The following CDK5R1 variants were observed in gnomAD, a reference collection of about 807,000 sequenced individuals.
CDK5R1 encodes cyclin-dependent kinase 5 activator 1.
CDK5R1 carries 1 observed loss-of-function variant against 19.0 expected under a neutral mutation model. That is an observed-to-expected ratio of 0.05 (90% CI 0.02 to 0.25). The LOEUF (loss-of-function observed/expected upper bound fraction) is 0.25, where lower values mean the gene tolerates loss of function less well. CDK5R1 is among the 10% of genes least tolerant of loss of function. The pLI, the probability that CDK5R1 is intolerant of heterozygous loss-of-function variation, is 1.00. For missense variants in CDK5R1, 314 were observed against 401.0 expected, an observed-to-expected ratio of 0.78 and a Z score of 1.85; for synonymous variants, 225 against 187.7, an observed-to-expected ratio of 1.20 and a Z score of -1.62.
At position 32,487,492 on chromosome 17, in the gene CDK5R1, A is replaced by T; in HGVS notation, c.-129A>T. 1.5e-6 allele frequency: 1 copy of T among 646,832 alleles called. No homozygotes were observed. The highest frequency in any genetic ancestry group is 2.6e-6 in the Non-Finnish European group (1 of 383,236). 40.1% of individuals were successfully genotyped at this position (646,832 alleles called of 1,614,324 possible). The stretch of plus-strand genomic sequence containing the variant: ...GTTTTCCAGGCAGATCCAAGGGGGC[A>T]GCACGCTTCCCGGGAGCGCCCCCGC... On this transcript the variant is annotated 5_prime_UTR_variant, in exon 2 of 2. Coordinates refer to ENST00000313401, the MANE Select transcript of CDK5R1 (RefSeq NM_003885.3). The surrounding 1 kb of genome is among the most constrained non-coding windows in gnomAD (Gnocchi z 7.9).
chr17:32,487,649 G>T lies in CDK5R1; in HGVS notation c.29G>T (p.Ser10Ile). 1 of 1,613,468 alleles carries T rather than the reference G, an allele frequency of 6.2e-7. No individual in the cohort carries two copies. ...GGCACGGTGCTGTCCCTGTCTCCCA[G>T]CTACCGGAAGGCCACGCTGTTTGAG... MGTVLSLSP[S>I]YRKATLFEDG... The change falls in exon 2 of 2, where the codon AGC becomes ATC. Residue 10 changes from serine (S) to isoleucine (I), a missense_variant. This residue lies in a region of CDK5R1 where 197 missense variants were observed against 230.2 expected (regional missense o/e 0.86). Transcript: ENST00000313401. This position sits in a 1 kb window ranked among gnomAD's most constrained non-coding sequence, Gnocchi z 7.9.
Position 32,487,917 on chromosome 17 carries a change from C to T in CDK5R1, c.297C>T (p.Ala99=), listed in dbSNP as rs766807605. ...SLSCANLSTF[A]QPPPAQPPAP... ...CGTGCGCCAACCTGTCCACATTCGCCCAGCCCCCACCGGCCCAGCCGCCTG... is the reference window on the plus strand; with the variant it reads ...CGTGCGCCAACCTGTCCACATTCGCTCAGCCCCCACCGGCCCAGCCGCCTG... Residue 99 remains alanine (A), a synonymous_variant, in exon 2 of 2, where the codon GCC becomes GCT. Transcript: ENST00000313401. This position sits in a 1 kb window ranked among gnomAD's most constrained non-coding sequence, Gnocchi z 7.9. 6 of 1,613,614 alleles carry T rather than the reference C, an allele frequency of 3.7e-6. No homozygotes were observed. The highest frequency in any genetic ancestry group is 5.1e-6 in the Non-Finnish European group (6 of 1,180,006).
Position 32,488,400 on chromosome 17 carries a change from T to C in CDK5R1, c.780T>C (p.Arg260=). The C allele has an allele frequency of 6.2e-7, 1 of 1,614,038 alleles. No homozygotes were observed. The highest frequency in any genetic ancestry group is 8.5e-7 in the Non-Finnish European group (1 of 1,180,010). The change falls in exon 2 of 2, where the codon CGT becomes CGC. Residue 260 remains arginine (R), a synonymous_variant. Coordinates refer to ENST00000313401, the MANE Select transcript of CDK5R1 (RefSeq NM_003885.3). The stretch of plus-strand genomic sequence containing the variant: ...GCTGCAAGGAGGCCTTTTGGGACCG[T>C]TGCCTCTCTGTCATCAACCTCATGA... ...VESCKEAFWD[R]CLSVINLMSS...
In CDK5R1 at chr17:32,490,197, AGCCT is replaced by A. The variant is rs1407283848; in HGVS notation, c.*1656_*1659del. 1 of 167,038 alleles carries A rather than the reference AGCCT, an allele frequency of 6.0e-6. No homozygotes were observed. The highest frequency in any genetic ancestry group is 2.4e-5 in the African/African-American group (1 of 41,416). The allele number at this position is 167,038 out of a possible 1,614,324, so 10.3% of individuals were successfully genotyped here. Reference sequence around the variant, plus strand: ...AGATAATCGGTGCAGCGGTGGAAGGAGCCTGCGGCTGCTGGCACAGACTTCACAC... The same window carrying A: ...AGATAATCGGTGCAGCGGTGGAAGGAGCGGCTGCTGGCACAGACTTCACAC... On this transcript the variant is annotated 3_prime_UTR_variant, in exon 2 of 2. Transcript: ENST00000313401.
rs1454445896 is a variant in CDK5R1, at chr17:32,487,515, C to T, written c.-106C>T. The T allele has an allele frequency of 1.2e-6, 1 of 833,856 alleles. No individual in the cohort carries two copies. The highest frequency in any genetic ancestry group is 1.8e-6 in the Non-Finnish European group (1 of 547,164). The allele number at this position is 833,856 out of a possible 1,614,324, so 51.7% of individuals were successfully genotyped here. A position where few individuals can be genotyped will look rare whatever the true frequency, so the allele number is the denominator to read the frequency against. Reference sequence around the variant, plus strand: ...GCAGCACGCTTCCCGGGAGCGCCCCCGCCTCCTCTCCGGGGCCGCCGCAGG... The same window carrying T: ...GCAGCACGCTTCCCGGGAGCGCCCCTGCCTCCTCTCCGGGGCCGCCGCAGG... On this transcript the variant is annotated 5_prime_UTR_variant, in exon 2 of 2. Transcript: ENST00000313401. The surrounding 1 kb of genome is among the most constrained non-coding windows in gnomAD (Gnocchi z 7.9).
At position 32,488,576 on chromosome 17, in the gene CDK5R1, C is replaced by T; in HGVS notation, c.*32C>T. On this transcript the variant is annotated 3_prime_UTR_variant, in exon 2 of 2. Coordinates refer to ENST00000313401, the MANE Select transcript of CDK5R1 (RefSeq NM_003885.3). ...TAGCCTGCGTCATGGCTCAAGGATT[C>T]AATGCATTTTTAAGAATTTATTATT... is the stretch of plus-strand genomic sequence containing the variant. 1 of 1,613,738 alleles carries T rather than the reference C, an allele frequency of 6.2e-7. No individual in the cohort carries two copies. Among genetic ancestry groups the T allele is most frequent in the Non-Finnish European group, 8.5e-7 (1 of 1,179,986 alleles).
rs997701431 is a variant in CDK5R1 at position 32,487,407 on chromosome 17, GAGGGGCGC to G, written c.-145-52_-145-45del. 663 of 357,510 alleles carry G rather than the reference GAGGGGCGC, an allele frequency of 1.9e-3. 3 individuals carry two copies. Among genetic ancestry groups the G allele is most frequent in the African/African-American group, 0.011 (523 of 46,298 alleles). 22.1% of individuals were successfully genotyped at this position (357,510 alleles called of 1,614,324 possible). On this transcript the variant is annotated intron_variant, in intron 1 of 1. Transcript: ENST00000313401. This position sits in a 1 kb window ranked among gnomAD's most constrained non-coding sequence, Gnocchi z 7.9. ...GCGGGGTGCGCCGAGGCGCGGGGCG[GAGGGGCGC>G]AGGGGCGCAGGGGCGCGGCGCGGAG...
In CDK5R1 at chr17:32,487,552, G is replaced by C. The variant is rs887440608; in HGVS notation, c.-69G>C. 1 of 1,372,154 alleles carries C rather than the reference G, an allele frequency of 7.3e-7. No homozygotes were observed. The highest frequency in any genetic ancestry group is 1.4e-5 in the African/African-American group (1 of 69,182). 85.0% of individuals were successfully genotyped at this position (1,372,154 alleles called of 1,614,324 possible). A position where few individuals can be genotyped will look rare whatever the true frequency, so the allele number is the denominator to read the frequency against. ...GGGGCCGCCGCAGGCTCGGTGAGCG[G>C]TTTTATCCCTCCGGCCGGCAGGCTG... On this transcript the variant is annotated 5_prime_UTR_variant, in exon 2 of 2. Transcript: ENST00000313401. This position sits in a 1 kb window ranked among gnomAD's most constrained non-coding sequence, Gnocchi z 7.9.
chr17:32,487,073 C>A lies in CDK5R1; in HGVS notation c.-235C>A. ...AGCCCAGCCGATCCCCGCCGAGCGC[C>A]CCCGAGCGCCGCCGAGCGCCGGGAC... On this transcript the variant is annotated 5_prime_UTR_variant, in exon 1 of 2. Transcript: ENST00000313401. This position sits in a 1 kb window ranked among gnomAD's most constrained non-coding sequence, Gnocchi z 7.9. 1 of 146,812 alleles carries A rather than the reference C, an allele frequency of 6.8e-6. No homozygotes were observed. Among genetic ancestry groups the A allele is most frequent in the South Asian group, 1.9e-4 (1 of 5,394 alleles). 9.1% of individuals were successfully genotyped at this position (146,812 alleles called of 1,614,324 possible).
rs1908843171 is a variant in CDK5R1, at chr17:32,490,775, A to G, written c.*2231A>G. The G allele has an allele frequency of 6.0e-6, 1 of 167,118 alleles. No homozygotes were observed. Among genetic ancestry groups the G allele is most frequent in the African/African-American group, 2.4e-5 (1 of 41,474 alleles). The allele number at this position is 167,118 out of a possible 1,614,324, so 10.4% of individuals were successfully genotyped here. Reference sequence around the variant, plus strand: ...TTTGTGTCTTAAGAAAAATAATCTTAGAACAGATGGCTGTGAAAATTACAC... The same window carrying G: ...TTTGTGTCTTAAGAAAAATAATCTTGGAACAGATGGCTGTGAAAATTACAC... On this transcript the variant is annotated 3_prime_UTR_variant, in exon 2 of 2. Coordinates refer to ENST00000313401, the MANE Select transcript of CDK5R1 (RefSeq NM_003885.3).
Position 32,488,215 on chromosome 17 carries a change from G to C in CDK5R1, c.595G>C (p.Ala199Pro). 1.2e-6 allele frequency: 2 copies of C among 1,613,916 alleles called. No homozygotes were observed. Among genetic ancestry groups the C allele is most frequent in the Non-Finnish European group, 1.7e-6 (2 of 1,180,032 alleles). Residue 199 changes from alanine (A) to proline (P), a missense_variant, in exon 2 of 2, where the codon GCC (alanine) becomes CCC (proline). This residue lies in a region of CDK5R1 where 11 missense variants were observed against 38.8 expected (regional missense o/e 0.28). Transcript: ENST00000313401. The part of the protein sequence containing the change: ...GWQDQGFITP[A>P]NVVFLYMLCR... ...GCAGGACCAGGGCTTCATCACGCCG[G>C]CCAACGTGGTCTTCCTCTACATGCT...
Position 32,487,487 on chromosome 17 carries a change from G to C in CDK5R1, c.-134G>C. On this transcript the variant is annotated 5_prime_UTR_variant, in exon 2 of 2. Coordinates refer to ENST00000313401, the MANE Select transcript of CDK5R1 (RefSeq NM_003885.3). This position sits in a 1 kb window ranked among gnomAD's most constrained non-coding sequence, Gnocchi z 7.9. The stretch of plus-strand genomic sequence containing the variant: ...ATCTTGTTTTCCAGGCAGATCCAAG[G>C]GGGCAGCACGCTTCCCGGGAGCGCC... The C allele has an allele frequency of 4.8e-6, 3 of 624,992 alleles. No individual in the cohort carries two copies. The highest frequency in any genetic ancestry group is 8.2e-6 in the Non-Finnish European group (3 of 368,078). 38.7% of individuals were successfully genotyped at this position (624,992 alleles called of 1,614,324 possible).
chr17:32,487,245 C>A lies in CDK5R1; in HGVS notation c.-146+83C>A. 6.8e-6 allele frequency: 1 copy of A among 147,276 alleles called. No individual in the cohort carries two copies. The highest frequency in any genetic ancestry group is 1.9e-4 in the South Asian group (1 of 5,138). The allele number at this position is 147,276 out of a possible 1,614,324, so 9.1% of individuals were successfully genotyped here. On this transcript the variant is annotated intron_variant, in intron 1 of 1. Transcript: ENST00000313401. This position sits in a 1 kb window ranked among gnomAD's most constrained non-coding sequence, Gnocchi z 7.9. ...CCGTGCGGGGTGTCCAGGCGGGGGTCCTCGGCCGCCTCCGTCGGCGACCGG... is the reference window on the plus strand; with the variant it reads ...CCGTGCGGGGTGTCCAGGCGGGGGTACTCGGCCGCCTCCGTCGGCGACCGG...
Position 32,490,826 on chromosome 17 carries a change from T to TA in CDK5R1, c.*2284dup, listed in dbSNP as rs1908844986. 6.0e-6 allele frequency: 1 copy of TA among 167,084 alleles called. No homozygotes were observed. Among genetic ancestry groups the TA allele is most frequent in the South Asian group, 2.1e-4 (1 of 4,832 alleles). 10.4% of individuals were successfully genotyped at this position (167,084 alleles called of 1,614,324 possible). ...CCATGCACAGAACAAGCCACAGGAA[T>TA]AATAGTTCAGGATTTGGTTTTTCTC... On this transcript the variant is annotated 3_prime_UTR_variant, in exon 2 of 2. Transcript: ENST00000313401.
chr17:32,487,629 G>T lies in CDK5R1; in HGVS notation c.9G>T (p.Thr3=), dbSNP rs1171413607. 1 of 1,612,462 alleles carries T rather than the reference G, an allele frequency of 6.2e-7. No individual in the cohort carries two copies. The highest frequency in any genetic ancestry group is 1.7e-5 in the Admixed American group (1 of 59,910). ...CGGCGCGCAGCAGCACCATGGGCAC[G>T]GTGCTGTCCCTGTCTCCCAGCTACC... The part of the protein sequence containing the change: MG[T]VLSLSPSYRK... Residue 3 remains threonine (T), a synonymous_variant, in exon 2 of 2, where the codon ACG becomes ACT. Transcript: ENST00000313401. This position sits in a 1 kb window ranked among gnomAD's most constrained non-coding sequence, Gnocchi z 7.9.
rs868241653 is a variant in CDK5R1 at position 32,487,513 on chromosome 17, C to G, written c.-108C>G. On this transcript the variant is annotated 5_prime_UTR_variant, in exon 2 of 2. Coordinates refer to ENST00000313401, the MANE Select transcript of CDK5R1 (RefSeq NM_003885.3). The surrounding 1 kb of genome is among the most constrained non-coding windows in gnomAD (Gnocchi z 7.9). ...GGGCAGCACGCTTCCCGGGAGCGCC[C>G]CCGCCTCCTCTCCGGGGCCGCCGCA... 4 of 818,896 alleles carry G rather than the reference C, an allele frequency of 4.9e-6. No individual in the cohort carries two copies. The Middle Eastern group carries it at 1.1e-3, about 227-fold the overall frequency. The allele number at this position is 818,896 out of a possible 1,614,324, so 50.7% of individuals were successfully genotyped here. A position where few individuals can be genotyped will look rare whatever the true frequency, so the allele number is the denominator to read the frequency against.
rs971046359 is a variant in CDK5R1 at position 32,488,661 on chromosome 17, C to T, written c.*117C>T. On this transcript the variant is annotated 3_prime_UTR_variant, in exon 2 of 2. Transcript: ENST00000313401. The stretch of plus-strand genomic sequence containing the variant: ...GCCACCAAGGGCCTCACCTTTCCCA[C>T]AGTCTCTCCCTGGGGTTTTTTTCAT... 1 of 1,526,986 alleles carries T rather than the reference C, an allele frequency of 6.5e-7. No homozygotes were observed. Among genetic ancestry groups the T allele is most frequent in the Non-Finnish European group, 8.9e-7 (1 of 1,127,080 alleles). The allele number at this position is 1,526,986 out of a possible 1,614,324, so 94.6% of individuals were successfully genotyped here. A position where few individuals can be genotyped will look rare whatever the true frequency, so the allele number is the denominator to read the frequency against.
chr17:32,489,160 TTAGTG>T lies in CDK5R1; in HGVS notation c.*617_*621del, dbSNP rs1189069356. On this transcript the variant is annotated 3_prime_UTR_variant, in exon 2 of 2. Transcript: ENST00000313401. ...TTTTTTTAGGGAGAAGGGCTTTTCT[TTAGTG>T]GAGAAATGGAACTCGCCCCCCTACC... The T allele has an allele frequency of 4.2e-6, 2 of 470,988 alleles. No individual in the cohort carries two copies. The highest frequency in any genetic ancestry group is 4.0e-5 in the African/African-American group (2 of 50,056). 29.2% of individuals were successfully genotyped at this position (470,988 alleles called of 1,614,324 possible).
At position 32,488,288 on chromosome 17, in the gene CDK5R1, A is replaced by G; in HGVS notation, c.668A>G (p.Gln223Arg). 1.2e-6 allele frequency: 2 copies of G among 1,614,066 alleles called. No homozygotes were observed. The highest frequency in any genetic ancestry group is 1.7e-6 in the Non-Finnish European group (2 of 1,180,030). Residue 223 changes from glutamine to arginine, a missense_variant, in exon 2 of 2, where the codon CAG becomes CGG. This residue lies in a region of CDK5R1 where 106 missense variants were observed against 132.1 expected (regional missense o/e 0.80). Transcript: ENST00000313401. ...SSEVGSDHEL[Q>R]AVLLTCLYLS... Reference sequence around the variant, plus strand: ...GAGGTGGGCTCGGATCACGAGCTCCAGGCCGTCCTGCTGACATGCCTGTAC... The same window carrying G: ...GAGGTGGGCTCGGATCACGAGCTCCGGGCCGTCCTGCTGACATGCCTGTAC...
Sources: gnomAD v4.1 joint callset for allele counts on GRCh38, gnomAD v4.1.1 for gene constraint, gnomAD v4.1.1 regional missense constraint, Gnocchi (gnomAD v3.1) non-coding constraint, MANE v1.5 for transcripts, NCBI Gene and HGNC (gene_info 2026-07-23, HGNC 2026-07-21) for gene names.